DNAH8: variants seen among roughly 807,000 people sequenced by gnomAD.
The protein encoded by DNAH8 is axonemal beta dynein heavy chain 8.
DNAH8 carries 382 observed loss-of-function variants against 562.1 expected under a neutral mutation model. The observed-to-expected ratio is 0.68, with a 90% CI of 0.63 to 0.74. The LOEUF is 0.74. Among genes scored for constraint, DNAH8 ranks in the 30% least tolerant of loss-of-function variants. The pLI, the probability that DNAH8 is intolerant of heterozygous loss-of-function variation, is 0.00. For missense variants in DNAH8, 5,203 were observed against 5,620.4 expected, an observed-to-expected ratio of 0.93 and a Z score of 2.37; for synonymous variants, 1,881 against 1,919.4, an observed-to-expected ratio of 0.98 and a Z score of 0.52.
intron 92 of DNAH8, among the ~76,000 whole-genome samples, chr6:39,027,281 T>G (rs1266167082): frequency 1.3e-5 from 2 of 152,100 alleles, no homozygotes; most frequent in African/African-American, 4.8e-5. Flanking sequence ...CTCCAGCTAC[T>G]GCTGTGGGCT....
At chr6:38,911,446 C>A (rs376264667) in intron 65 of DNAH8, 22 bp from the exon 66 acceptor site, 59 of 1,527,442 alleles carry the variant, frequency 3.9e-5, no homozygotes, top group Non-Finnish European at 5.2e-5. Context: ...TTGAAATGGT[C>A]CTTTTAATGT....
chr6:38,979,949 C>A (rs1561938083), intron 85 of DNAH8, among the ~76,000 whole-genome samples: 1 of 152,194 alleles, frequency 6.6e-6, no homozygotes, highest in African/African-American at 2.4e-5. Flanking sequence ...CATTAGCATT[C>A]TTCTCTTCAA....
At chr6:38,848,826 G>A in intron 37 of DNAH8, 25 bp downstream of exon 37, 2 of 1,607,558 alleles carry the variant, frequency 1.2e-6, no homozygotes, top group Non-Finnish European at 1.7e-6. Flanking sequence ...TGTAATTACT[G>A]ATAAAATAAT....
chr6:38,929,738 AAG>A (rs1782412717), intron 75 of DNAH8, 72 bp downstream of exon 75: 2 of 1,332,644 alleles, frequency 1.5e-6, no homozygotes, highest in African/African-American at 3.0e-5. Context: ...AAAATTAAGA[AAG>A]AGAAAGAAAG....
intron 43 of DNAH8, among the ~76,000 whole-genome samples, chr6:38,862,049 T>G (rs1278994069): frequency 6.7e-6 from 1 of 148,482 alleles, no homozygotes; most frequent in East Asian, 2.1e-4. Context: ...GGCCTGAGGG[T>G]TTTAAGTCAG....
At chr6:38,953,852 T>G (rs1481053798) in intron 82 of DNAH8, among the ~76,000 whole-genome samples, 2 of 152,064 alleles carry the variant, frequency 1.3e-5, no homozygotes, top group East Asian at 1.9e-4. Flanking sequence ...CTTTTTTTTT[T>G]TTTTTTAACA....
intron 20 of DNAH8, among the ~76,000 whole-genome samples, chr6:38,791,195 G>A (rs1769709127): frequency 1.3e-5 from 2 of 152,090 alleles, no homozygotes; most frequent in Non-Finnish European, 2.9e-5. Context: ...GATAAACCTG[G>A]GTAGGATTCT....
In DNAH8 at chr6:38,717,904, C is replaced by A. The variant is rs796454811; in HGVS notation, c.-35+2489C>A. Among the ~76,000 whole-genome samples the A allele has an allele frequency of 4.6e-5, 7 of 152,182 alleles. No homozygotes were observed. The South Asian group carries it at 6.2e-4, about 14-fold the overall frequency. ...AAACAAAAAAATGCTGCATATTAAA[C>A]CTTCTTAAAGTATGCATCTTAGAAT... On this transcript the variant is annotated intron_variant, in intron 1 of 92. Transcript: ENST00000327475.
chr6:38,951,374 T>C lies in DNAH8; in HGVS notation c.12305T>C (p.Leu4102Ser). ...FQARKYIADSLEEKYTEPVIL... is the reference protein window; with the variant it reads ...FQARKYIADSSEEKYTEPVIL... ...GCAAGAAAGTATATTGCAGATTCTT[T>C]GGAGGAGAAGTACACAGAACCAGTT... Residue 4102 changes from leucine to serine, a missense_variant, in exon 82 of 93, where the codon TTG becomes TCG. By Grantham distance (145) the Leu-to-Ser change is moderately radical. Around this residue, in one of 6 missense-constraint regions of DNAH8, gnomAD observed 1,399 missense variants for 1,518.4 expected, o/e 0.92. Coordinates refer to ENST00000327475, the MANE Select transcript of DNAH8 (RefSeq NM_001206927.2). The C allele has an allele frequency of 6.2e-7, 1 of 1,614,190 alleles. No individual in the cohort carries two copies. Among genetic ancestry groups the C allele is most frequent in the Non-Finnish European group, 8.5e-7 (1 of 1,180,044 alleles).
At chr6:38,913,981 G>A in intron 67 of DNAH8, 29 bp downstream of exon 67, 2 of 1,529,500 alleles carry the variant, frequency 1.3e-6, no homozygotes, top group Non-Finnish European at 1.8e-6. Context: ...TATCACTGAT[G>A]AGGAATATTT....
At chr6:38,981,297 A>G (rs959813969) in intron 85 of DNAH8, among the ~76,000 whole-genome samples, 17 of 152,142 alleles carry the variant, frequency 1.1e-4, no homozygotes, top group African/African-American at 3.9e-4. Flanking sequence ...GGACTCATCT[A>G]TGTGGGTTGT....
rs1309509520 is a variant in DNAH8 at position 38,917,897 on chromosome 6, AC to A, written c.10309-27del. The A allele has an allele frequency of 2.6e-6, 4 of 1,533,704 alleles. No homozygotes were observed. The African/African-American group carries it at 5.5e-5, about 21-fold the overall frequency. ...CAGGAAGAAAGTATTTTCTTCCAGA[AC>A]TTACAGGTTATAATACTATTTTTCA... On this transcript the variant is annotated intron_variant, in intron 69 of 92. Coordinates refer to ENST00000327475, the MANE Select transcript of DNAH8 (RefSeq NM_001206927.2).
chr6:38,802,016 G>A (rs925488279), intron 21 of DNAH8, among the ~76,000 whole-genome samples: 2 of 151,384 alleles, frequency 1.3e-5, no homozygotes, highest in African/African-American at 4.9e-5. Context: ...ATGGCTCACT[G>A]CTGCCTCCTG....
chr6:38,875,917 TAAAACAATTATG>T, intron 53 of DNAH8, 89 bp downstream of exon 53: 1 of 796,830 alleles, frequency 1.3e-6, no homozygotes, highest in East Asian at 2.6e-5. Context: ...GAGAGAATAT[TAAAACAATTATG>T]AAAACATAAT....
intron 6 of DNAH8, 62 bp downstream of exon 6, chr6:38,737,318 C>T: frequency 2.0e-6 from 2 of 1,022,532 alleles, no homozygotes; most frequent in South Asian, 6.5e-5. Flanking sequence ...TAAGATATTT[C>T]ATAAACAGAG....
chr6:38,987,990 A>AGGCT (rs1400328097), intron 87 of DNAH8, among the ~76,000 whole-genome samples: 1 of 152,122 alleles, frequency 6.6e-6, no homozygotes, highest in Non-Finnish European at 1.5e-5. Context: ...CCTCAGCCCC[A>AGGCT]GGCTTGCCTT....
intron 82 of DNAH8, among the ~76,000 whole-genome samples, chr6:38,963,344 A>C (rs1232675291): frequency 3.1e-4 from 23 of 75,196 alleles, no homozygotes; most frequent in Non-Finnish European, 4.9e-4. Context: ...ATTTAAATAC[A>C]TTTTCTTTGA....
At chr6:38,946,484 G>C (rs1409114767) in intron 80 of DNAH8, among the ~76,000 whole-genome samples, 1 of 152,216 alleles carries the variant, frequency 6.6e-6, no homozygotes, top group Non-Finnish European at 1.5e-5. Context: ...CCACAGATGA[G>C]TCCTCCAAGC....
intron 11 of DNAH8, among the ~76,000 whole-genome samples, chr6:38,767,660 T>C (rs1767148396): frequency 6.6e-6 from 1 of 152,252 alleles, no homozygotes; most frequent in Admixed American, 6.5e-5. Flanking sequence ...ATATATTCCA[T>C]TGTATGTATA....
Sources: gnomAD v4.1 joint callset for allele counts (sites outside exome capture counted in the v4.1 genomes callset) on GRCh38, gnomAD v4.1.1 for gene constraint, gnomAD v4.1.1 regional missense constraint, MANE v1.5 for transcripts, NCBI Gene and HGNC (gene_info 2026-07-23, HGNC 2026-07-21) for gene names.